The following ITGA11 variants were observed in gnomAD, a reference collection of about 807,000 sequenced individuals.
ITGA11 encodes the protein integrin subunit alpha 11.
ITGA11 carries 97 observed loss-of-function variants against 141.9 expected under a neutral mutation model. The observed-to-expected ratio is 0.68, with a 90% CI of 0.58 to 0.81. The LOEUF (loss-of-function observed/expected upper bound fraction) is 0.81. Among genes scored for constraint, ITGA11 ranks in the 30% least tolerant of loss-of-function variants. ITGA11 has a pLI of 0.00. For missense variants in ITGA11, 1,387 were observed against 1,559.2 expected (o/e 0.89, Z 1.86); for synonymous variants, 658 against 624.6 (o/e 1.05, Z -0.80).
intron 1 of ITGA11, among the ~76,000 whole-genome samples, chr15:68,410,846 G>A (rs1265854421): frequency 6.6e-6 from 1 of 152,270 alleles, no homozygotes; most frequent in African/African-American, 2.4e-5. Context: ...CTTCTAGCTA[G>A]TTGAGGGAAG....
In ITGA11 at chr15:68,321,284, G is replaced by T; in HGVS notation, c.2408+134C>A. The T allele has an allele frequency of 2.0e-6, 1 of 494,498 alleles. No individual in the cohort carries two copies. The highest frequency in any genetic ancestry group is 3.6e-6 in the Non-Finnish European group (1 of 279,414). 30.6% of individuals were successfully genotyped at this position (494,498 alleles called of 1,614,324 possible). ...TGGCAGAGCCTGGGCTAGAACGCAG[G>T]CTCCAAGTGCAATGTTTGATCCATG... On this transcript the variant is annotated intron_variant, in intron 19 of 29. Coordinates refer to ENST00000315757, the MANE Select transcript of ITGA11 (RefSeq NM_001004439.2). This position sits in a 1 kb window ranked among gnomAD's most constrained non-coding sequence, Gnocchi z 4.9.
chr15:68,424,196 T>C (rs2140440159), intron 1 of ITGA11, among the ~76,000 whole-genome samples: 1 of 152,324 alleles, frequency 6.6e-6, no homozygotes, highest in East Asian at 1.9e-4. Context: ...ATCTGCAAAG[T>C]CCACCTTGCA....
intron 21 of ITGA11, among the ~76,000 whole-genome samples, chr15:68,316,107 C>T (rs1001176437): frequency 4.3e-4 from 65 of 152,342 alleles, no homozygotes; most frequent in Middle Eastern, 3.4e-3. Context: ...CGATGGCCAT[C>T]GCCATGCACC....
rs2271727 is a variant in ITGA11 at position 68,313,771 on chromosome 15, C to T, written c.2882+8G>A. The T allele has an allele frequency of 0.026, 41,494 of 1,612,544 alleles. 1,080 individuals carry two copies. Among genetic ancestry groups the T allele is most frequent in the African/African-American group, 0.13 (10,023 of 74,966 alleles). On this transcript the variant is annotated splice_region_variant and intron_variant, in intron 23 of 29. Coordinates refer to ENST00000315757, the MANE Select transcript of ITGA11 (RefSeq NM_001004439.2). ...TCCCTCTCCTGGGGCCCCCGGAGCC[C>T]GGCCCACCTGGTGAAGAGGACGTCA...
At position 68,305,764 on chromosome 15, in the gene ITGA11, G is replaced by C. The variant is rs1463008736; in HGVS notation, c.3381+1584C>G. On this transcript the variant is annotated intron_variant, in intron 28 of 29. Transcript: ENST00000315757. This position sits in a 1 kb window ranked among gnomAD's most constrained non-coding sequence, Gnocchi z 4.6. ...GCACACAGCTGGGGGCCAGCAAATGGCAGGGCCCTTATGTGTGCTCTTTCT... is the reference window on the plus strand; with the variant it reads ...GCACACAGCTGGGGGCCAGCAAATGCCAGGGCCCTTATGTGTGCTCTTTCT... 4.6e-5 allele frequency among the ~76,000 whole-genome samples: 7 copies of C among 152,214 alleles called. No individual in the cohort carries two copies. Among genetic ancestry groups the C allele is most frequent in the Non-Finnish European group, 7.3e-5 (5 of 68,044 alleles).
At position 68,321,997 on chromosome 15, in the gene ITGA11, C is replaced by T. The variant is rs529045914; in HGVS notation, c.2323-494G>A. 6.6e-6 allele frequency among the ~76,000 whole-genome samples: 1 copy of T among 152,208 alleles called. No homozygotes were observed. The highest frequency in any genetic ancestry group is 1.5e-5 in the Non-Finnish European group (1 of 68,042). On this transcript the variant is annotated intron_variant, in intron 18 of 29. Transcript: ENST00000315757. The surrounding 1 kb of genome is among the most constrained non-coding windows in gnomAD (Gnocchi z 4.9). ...TTTGGCCTGTAGGAAGTCAGGGAAG[C>T]CTTCGAGGAAGTGACAGGGGATCAG...
chr15:68,360,547 G>A (rs1895210039), intron 5 of ITGA11, among the ~76,000 whole-genome samples: 1 of 152,084 alleles, frequency 6.6e-6, no homozygotes, highest in African/African-American at 2.4e-5. Flanking sequence ...CACATGGGGT[G>A]CCCTGGAATC....
At chr15:68,377,421 C>A (rs754707874) in intron 2 of ITGA11, among the ~76,000 whole-genome samples, 1 of 151,882 alleles carries the variant, frequency 6.6e-6, no homozygotes, top group Non-Finnish European at 1.5e-5. Flanking sequence ...TACAGGCATG[C>A]GCCACAATGC....
intron 1 of ITGA11, among the ~76,000 whole-genome samples, chr15:68,409,727 C>T (rs772508922): frequency 6.6e-6 from 1 of 152,102 alleles, no homozygotes; most frequent in Non-Finnish European, 1.5e-5. Context: ...AAGCACTATT[C>T]TGAATGTATT....
At position 68,335,643 on chromosome 15, in the gene ITGA11, G is replaced by C; in HGVS notation, c.1425+54C>G. ...GCCTGTATTTACTGCCCTCCCATTTGTCTGATCTGCCCCCTCTTCCCTCCA... is the reference window on the plus strand; with the variant it reads ...GCCTGTATTTACTGCCCTCCCATTTCTCTGATCTGCCCCCTCTTCCCTCCA... On this transcript the variant is annotated intron_variant, in intron 12 of 29. Coordinates refer to ENST00000315757, the MANE Select transcript of ITGA11 (RefSeq NM_001004439.2). The surrounding 1 kb of genome is among the most constrained non-coding windows in gnomAD (Gnocchi z 4.9). 1 of 1,590,404 alleles carries C rather than the reference G, an allele frequency of 6.3e-7. No individual in the cohort carries two copies. Among genetic ancestry groups the C allele is most frequent in the Non-Finnish European group, 8.6e-7 (1 of 1,165,056 alleles).
At chr15:68,313,003 A>G (rs1893445572) in intron 23 of ITGA11, 140 bp from the exon 24 acceptor site, 1 of 623,180 alleles carries the variant, frequency 1.6e-6, no homozygotes, top group Admixed American at 2.4e-5. Flanking sequence ...GCTGGGAGTG[A>G]GTGTCATGTT....
chr15:68,368,508 G>A (rs1014799190), intron 3 of ITGA11, among the ~76,000 whole-genome samples: 3 of 152,220 alleles, frequency 2.0e-5, no homozygotes, highest in South Asian at 2.1e-4. Context: ...GGAGGGCTTC[G>A]GAGGCTGGGG....
rs1566945206 is a variant in ITGA11 at position 68,421,196 on chromosome 15, G to T, written c.52+10819C>A. On this transcript the variant is annotated intron_variant, in intron 1 of 29. Transcript: ENST00000315757. ...GTGCTTGGAGGAGCTTCCTCAGGTG[G>T]GAGGGGGAGGCTGGATACAGCAGCC... 1.3e-5 allele frequency among the ~76,000 whole-genome samples: 2 copies of T among 149,688 alleles called. 1 individual carries two copies. Among genetic ancestry groups the T allele is most frequent in the Admixed American group, 1.3e-4 (2 of 15,012 alleles).
intron 10 of ITGA11, among the ~76,000 whole-genome samples, chr15:68,347,464 G>A (rs1434097108): frequency 6.6e-6 from 1 of 152,230 alleles, no homozygotes; most frequent in African/African-American, 2.4e-5. Context: ...GCTGTTATTA[G>A]GATAGGGCAG....
At chr15:68,413,322 T>C (rs1210331339) in intron 1 of ITGA11, among the ~76,000 whole-genome samples, 1 of 152,220 alleles carries the variant, frequency 6.6e-6, no homozygotes, top group Non-Finnish European at 1.5e-5. Context: ...TACTTATCTA[T>C]GTTCACCACC....
chr15:68,419,542 T>A (rs561001582), intron 1 of ITGA11, among the ~76,000 whole-genome samples: 2 of 152,192 alleles, frequency 1.3e-5, no homozygotes, highest in African/African-American at 4.8e-5. Context: ...CCGTACTGAG[T>A]GTACCCATTG....
At chr15:68,394,244 G>A (rs973175622) in intron 2 of ITGA11, among the ~76,000 whole-genome samples, 2 of 152,038 alleles carry the variant, frequency 1.3e-5, no homozygotes, top group African/African-American at 4.8e-5. Context: ...AAACAACTAA[G>A]ATTTTAAATT....
rs987444123 is a variant in ITGA11, at chr15:68,321,852, T to C, written c.2323-349A>G. ...GGATACAAAACAAGAAAGATGCAGC[T>C]TCTGCCCTCAGCTCAAGGGGAAGAT... On this transcript the variant is annotated intron_variant, in intron 18 of 29. Coordinates refer to ENST00000315757, the MANE Select transcript of ITGA11 (RefSeq NM_001004439.2). The surrounding 1 kb of genome is among the most constrained non-coding windows in gnomAD (Gnocchi z 4.9). 4.6e-5 allele frequency among the ~76,000 whole-genome samples: 7 copies of C among 152,196 alleles called. No individual in the cohort carries two copies. Among genetic ancestry groups the C allele is most frequent in the Admixed American group, 1.3e-4 (2 of 15,278 alleles).
At chr15:68,358,350 C>T in intron 6 of ITGA11, 108 bp downstream of exon 6, 1 of 1,294,266 alleles carries the variant, frequency 7.7e-7, no homozygotes, top group Non-Finnish European at 1.0e-6. Context: ...TGCCCTCTTA[C>T]CTACACCTCC....
Sources: gnomAD v4.1 joint callset for allele counts (sites outside exome capture counted in the v4.1 genomes callset) on GRCh38, gnomAD v4.1.1 for gene constraint, Gnocchi (gnomAD v3.1) non-coding constraint, MANE v1.5 for transcripts, NCBI Gene and HGNC (gene_info 2026-07-23, HGNC 2026-07-21) for gene names.